NIBAN1: variants seen among roughly 807,000 people sequenced by gnomAD.
NIBAN1 encodes niban apoptosis regulator 1.
In NIBAN1, 81 loss-of-function variants were observed where a neutral mutation model predicts 75.1. The ratio of observed to expected loss-of-function variants is 1.08; its 90% confidence interval spans 0.90 to 1.30. NIBAN1 has a LOEUF of 1.30. NIBAN1 is among the 50% of genes most tolerant of loss of function. The probability of loss-of-function intolerance (pLI) is 0.00; values close to 1 mark genes in which losing one functional copy is unlikely to be tolerated. For missense variants in NIBAN1, 1,133 were observed against 1,128.1 expected (o/e 1.00, Z -0.06); for synonymous variants, 436 against 424.8 (o/e 1.03, Z -0.32).
chr1:184,809,645 AT>A (rs1358652784), intron 9 of NIBAN1, among the ~76,000 whole-genome samples: 4 of 145,378 alleles, frequency 2.8e-5, no homozygotes, highest in African/African-American at 1.0e-4. Context: ...GTGTGTGTAT[AT>A]ATATATACAC....
rs143766107 is a variant in NIBAN1, at chr1:184,911,500, C to T, written c.56-12191G>A. 8.7e-3 allele frequency among the ~76,000 whole-genome samples: 1,327 copies of T among 152,294 alleles called. 9 individuals are homozygous for T. The highest frequency in any genetic ancestry group is 0.034 in the Middle Eastern group (10 of 294). On this transcript the variant is annotated intron_variant, in intron 1 of 13. Transcript: ENST00000367511. ...TTATATGAGTACCCCCTCCCTTAAT[C>T]GCATTCAGGTGTTCCAATTAAGTTG...
At chr1:184,935,405 G>A (rs1657929383) in intron 1 of NIBAN1, among the ~76,000 whole-genome samples, 1 of 152,060 alleles carries the variant, frequency 6.6e-6, no homozygotes, top group South Asian at 2.1e-4. Context: ...CTACTCAGAA[G>A]GCCAAGGTGC....
chr1:184,821,173 C>A (rs1460454779), intron 8 of NIBAN1, among the ~76,000 whole-genome samples: 4 of 152,146 alleles, frequency 2.6e-5, no homozygotes, highest in Non-Finnish European at 4.4e-5. Flanking sequence ...CCATTGTACT[C>A]AGCAGAAGTA....
intron 2 of NIBAN1, among the ~76,000 whole-genome samples, chr1:184,896,198 T>C (rs1345816479): frequency 6.6e-6 from 1 of 152,232 alleles, no homozygotes; most frequent in African/African-American, 2.4e-5. Flanking sequence ...GCATTTCCTT[T>C]TCTCCACATC....
chr1:184,962,776 T>C (rs1183999339), intron 1 of NIBAN1, among the ~76,000 whole-genome samples: 1 of 152,184 alleles, frequency 6.6e-6, no homozygotes, highest in Non-Finnish European at 1.5e-5. Context: ...CAATGGGATT[T>C]GTGAGTTCAT....
chr1:184,956,471 G>A (rs1049404591), intron 1 of NIBAN1, among the ~76,000 whole-genome samples: 1 of 152,170 alleles, frequency 6.6e-6, no homozygotes, highest in African/African-American at 2.4e-5. Context: ...CAACAAAACA[G>A]TGTAATTTAG....
chr1:184,828,938 C>A (rs1382641870), intron 6 of NIBAN1, among the ~76,000 whole-genome samples: 1 of 152,062 alleles, frequency 6.6e-6, no homozygotes, highest in Non-Finnish European at 1.5e-5. Flanking sequence ...CTGGGACTAC[C>A]TGCACATACC....
At chr1:184,941,140 T>G (rs529752169) in intron 1 of NIBAN1, among the ~76,000 whole-genome samples, 55 of 152,078 alleles carry the variant, frequency 3.6e-4, no homozygotes, top group Middle Eastern at 3.4e-3. Context: ...AGGAGAAGAG[T>G]TTGAAGACAG....
intron 6 of NIBAN1, among the ~76,000 whole-genome samples, chr1:184,827,795 G>T (rs1160767031): frequency 6.6e-6 from 1 of 151,858 alleles, no homozygotes; most frequent in Non-Finnish European, 1.5e-5. Flanking sequence ...CCTTCCTGAA[G>T]CAGGCCCCGC....
chr1:184,870,132 A>G (rs1268347577), intron 5 of NIBAN1, among the ~76,000 whole-genome samples: 4 of 152,088 alleles, frequency 2.6e-5, no homozygotes, highest in African/African-American at 9.7e-5. Context: ...CTTCCCCCCA[A>G]CTCTGATTCC....
chr1:184,827,359 C>T (rs1472303196), intron 6 of NIBAN1, among the ~76,000 whole-genome samples: 2 of 151,976 alleles, frequency 1.3e-5, no homozygotes, highest in Non-Finnish European at 2.9e-5. Context: ...TGATCGAGTG[C>T]TGCCTGTCAC....
chr1:184,963,469 T>G (rs1301868806), intron 1 of NIBAN1, among the ~76,000 whole-genome samples: 1 of 152,082 alleles, frequency 6.6e-6, no homozygotes, highest in East Asian at 1.9e-4. Context: ...TTTAAAAGAA[T>G]TGAAAACTGT....
intron 9 of NIBAN1, among the ~76,000 whole-genome samples, chr1:184,812,408 G>A (rs1654407503): frequency 6.6e-6 from 1 of 152,180 alleles, no homozygotes; most frequent in African/African-American, 2.4e-5. Flanking sequence ...GCAGGATGGT[G>A]CAGCAAGCTG....
chr1:184,961,528 A>T (rs1034722261), intron 1 of NIBAN1, among the ~76,000 whole-genome samples: 2 of 152,120 alleles, frequency 1.3e-5, no homozygotes, highest in Non-Finnish European at 2.9e-5. Context: ...CCTTCGTGAC[A>T]CTTATCAAAA....
intron 1 of NIBAN1, among the ~76,000 whole-genome samples, chr1:184,903,733 CTTT>C (rs368105582): frequency 1.6e-4 from 16 of 99,916 alleles, no homozygotes; most frequent in African/African-American, 2.7e-4. Context: ...CCGATTAAAC[CTTT>C]TTTTTTTTTT....
At chr1:184,933,139 T>A (rs2102035506) in intron 1 of NIBAN1, among the ~76,000 whole-genome samples, 1 of 152,280 alleles carries the variant, frequency 6.6e-6, no homozygotes, top group Admixed American at 6.5e-5. Context: ...TTCCCTACAC[T>A]CCCACCAAAG....
chr1:184,826,617 C>T (rs535968651), intron 6 of NIBAN1, among the ~76,000 whole-genome samples: 3 of 152,230 alleles, frequency 2.0e-5, no homozygotes, highest in South Asian at 2.1e-4. Context: ...TAAGAATTGT[C>T]CCAATTCATC....
intron 6 of NIBAN1, among the ~76,000 whole-genome samples, chr1:184,826,254 A>G (rs561308990): frequency 2.6e-5 from 4 of 152,250 alleles, no homozygotes; most frequent in African/African-American, 9.6e-5. Flanking sequence ...AGCCCTGGTA[A>G]TTCACTGGTG....
intron 1 of NIBAN1, among the ~76,000 whole-genome samples, chr1:184,914,606 T>C (rs1489977441): frequency 6.6e-6 from 1 of 152,192 alleles, no homozygotes; most frequent in Non-Finnish European, 1.5e-5. Context: ...TAATTGAGGA[T>C]TACAACATGA....
Sources: gnomAD v4.1 joint callset for allele counts (sites outside exome capture counted in the v4.1 genomes callset) on GRCh38, gnomAD v4.1.1 for gene constraint, MANE v1.5 for transcripts, NCBI Gene and HGNC (gene_info 2026-07-23, HGNC 2026-07-21) for gene names.